Variants in SPHKAP observed in about 807,000 individuals in gnomAD.
SPHKAP encodes A-kinase anchor protein SPHKAP.
Under a neutral mutation model 137.5 loss-of-function variants are expected in SPHKAP, and 67 were observed. The ratio of observed to expected loss-of-function variants is 0.49; its 90% CI spans 0.40 to 0.60. SPHKAP has a LOEUF of 0.60. Ranked by LOEUF, SPHKAP falls within the 20% of genes least tolerant of loss-of-function variation. SPHKAP has a pLI of 0.00. For synonymous variants in SPHKAP, 813 were observed against 785.3 expected (o/e 1.04, Z -0.59); for missense variants, 2,097 against 2,069.3 (o/e 1.01, Z -0.26).
At position 228,017,296 on chromosome 2, in the gene SPHKAP, G is replaced by A; in HGVS notation, c.3558C>T (p.Ser1186=). 1 of 1,614,068 alleles carries A rather than the reference G, an allele frequency of 6.2e-7. No individual in the cohort carries two copies. The highest frequency in any genetic ancestry group is 8.5e-7 in the Non-Finnish European group (1 of 1,180,026). The change falls in exon 7 of 12, where the codon AGC becomes AGT. Residue 1186 remains serine, a synonymous_variant. Coordinates refer to ENST00000392056, the MANE Select transcript of SPHKAP (RefSeq NM_001142644.2). ...AGAACTCCTCAGTGATGCTCTCTGT[G>A]CTGGACTGCTTAGAGGGACAGCTAG... ...VRPSCPSKQS[S]TESITEEFYR...
intron 7 of SPHKAP, among the ~76,000 whole-genome samples, chr2:228,001,230 CATATAT>C (rs35028587): frequency 7.2e-6 from 1 of 138,436 alleles, no homozygotes; most frequent in Non-Finnish European, 1.5e-5. Context: ...TTTATATAAA[CATATAT>C]ATATATATAT....
intron 1 of SPHKAP, among the ~76,000 whole-genome samples, chr2:228,144,103 A>T (rs1191954605): frequency 6.6e-6 from 1 of 151,964 alleles, no homozygotes; most frequent in Non-Finnish European, 1.5e-5. Context: ...TTCTTTCAGG[A>T]CTTTCTCAAA....
At chr2:228,149,113 C>T (rs1574896032) in intron 1 of SPHKAP, among the ~76,000 whole-genome samples, 1 of 152,106 alleles carries the variant, frequency 6.6e-6, no homozygotes, top group African/African-American at 2.4e-5. Context: ...ATAAGAAACA[C>T]ACTTTGTGTT....
At position 228,018,398 on chromosome 2, in the gene SPHKAP, C is replaced by G; in HGVS notation, c.2456G>C (p.Arg819Thr). 1.9e-6 allele frequency: 3 copies of G among 1,614,056 alleles called. No homozygotes were observed. Among genetic ancestry groups the G allele is most frequent in the Non-Finnish European group, 2.5e-6 (3 of 1,179,958 alleles). Residue 819 changes from arginine (R) to threonine (T), a missense_variant, in exon 7 of 12, where the codon AGA (arginine) becomes ACA (threonine). Arg to Thr is a moderately conservative substitution (Grantham distance 71, BLOSUM62 -1). Transcript: ENST00000392056. ...TGTAGCAGTTGAAGAATCGGGCACT[C>G]TGTGACTACGTGATAATTGTGACTG... ...TLQSQLSRSH[R>T]VPDSSTATTS...
chr2:228,004,107 A>G (rs763805583), intron 7 of SPHKAP, among the ~76,000 whole-genome samples: 1 of 152,020 alleles, frequency 6.6e-6, no homozygotes, highest in Non-Finnish European at 1.5e-5. Flanking sequence ...CCTCTTTTTC[A>G]ATTGATTGGA....
chr2:228,111,998 T>C (rs1274659182), intron 2 of SPHKAP, among the ~76,000 whole-genome samples: 1 of 152,164 alleles, frequency 6.6e-6, no homozygotes. Context: ...GAGAGGAAAC[T>C]TTTTGTGATG....
At chr2:228,072,587 TG>T (rs1697038522) in intron 3 of SPHKAP, among the ~76,000 whole-genome samples, 1 of 152,192 alleles carries the variant, frequency 6.6e-6, no homozygotes, top group African/African-American at 2.4e-5. Context: ...CTGGGTGGGC[TG>T]TGTCTATACT....
rs773753640 is a variant in SPHKAP at position 228,017,637 on chromosome 2, C to T, written c.3217G>A (p.Asp1073Asn). 6.2e-6 allele frequency: 10 copies of T among 1,613,856 alleles called. No individual in the cohort carries two copies. The highest frequency in any genetic ancestry group is 3.3e-5 in the South Asian group (3 of 91,076). The change falls in exon 7 of 12, where the codon GAC (aspartate) becomes AAC (asparagine). Residue 1073 changes from aspartate (D) to asparagine (N), a missense_variant. Physicochemically the swap from Asp to Asn is conservative, Grantham distance 23. Coordinates refer to ENST00000392056, the MANE Select transcript of SPHKAP (RefSeq NM_001142644.2). ...GYPRNRLLSG[D>N]RWSRLKASSC... is the part of the protein sequence containing the mutation. The stretch of plus-strand genomic sequence containing the variant: ...GAGGCCTTCAGCCGGCTCCACCTGT[C>T]GCCACTCAGTAACCGATTCCGGGGA...
At chr2:228,125,842 C>T (rs980075916) in intron 2 of SPHKAP, among the ~76,000 whole-genome samples, 1 of 151,814 alleles carries the variant, frequency 6.6e-6, no homozygotes, top group Non-Finnish European at 1.5e-5. Context: ...TTTGGGAGGC[C>T]GAGGCGGGTG....
At chr2:228,069,476 G>C (rs920067985) in intron 3 of SPHKAP, among the ~76,000 whole-genome samples, 1 of 146,898 alleles carries the variant, frequency 6.8e-6, no homozygotes, top group Non-Finnish European at 1.5e-5. Context: ...GAGATGGGGG[G>C]GTCTCACTCT....
At chr2:228,146,244 A>G (rs4605363) in intron 1 of SPHKAP, among the ~76,000 whole-genome samples, 1 of 151,910 alleles carries the variant, frequency 6.6e-6, no homozygotes, top group Admixed American at 6.6e-5. Flanking sequence ...ACGGATGAAC[A>G]CCCATTGACA....
At chr2:228,036,809 C>T (rs1695629370) in intron 3 of SPHKAP, among the ~76,000 whole-genome samples, 1 of 151,754 alleles carries the variant, frequency 6.6e-6, no homozygotes, top group African/African-American at 2.4e-5. Context: ...TGCATGTTCT[C>T]ACTCATAGGT....
intron 1 of SPHKAP, among the ~76,000 whole-genome samples, chr2:228,167,269 T>C (rs974033707): frequency 1.3e-5 from 2 of 152,198 alleles, no homozygotes; most frequent in African/African-American, 4.8e-5. Context: ...TAATTTTCTA[T>C]ATTACCTGAT....
At chr2:227,984,913 C>A (rs143583027) in intron 11 of SPHKAP, among the ~76,000 whole-genome samples, 19 of 152,302 alleles carry the variant, frequency 1.2e-4, no homozygotes, top group African/African-American at 4.6e-4. Context: ...TGGCTCCTTT[C>A]TGTAAACCGT....
At chr2:228,053,164 C>G (rs1026720696) in intron 3 of SPHKAP, among the ~76,000 whole-genome samples, 1 of 152,266 alleles carries the variant, frequency 6.6e-6, no homozygotes, top group African/African-American at 2.4e-5. Context: ...GCTCTTATCT[C>G]TCTTCCCCCT....
intron 1 of SPHKAP, among the ~76,000 whole-genome samples, chr2:228,134,252 G>A (rs1168735444): frequency 7.3e-6 from 1 of 137,728 alleles, no homozygotes; most frequent in East Asian, 2.0e-4. Flanking sequence ...AAGGAAGGAA[G>A]GAAGGAAAGA....
chr2:228,098,759 T>TA (rs35722602), intron 3 of SPHKAP, among the ~76,000 whole-genome samples: 18 of 138,700 alleles, frequency 1.3e-4, no homozygotes, highest in Middle Eastern at 3.9e-3. Flanking sequence ...CCTTAAAGTA[T>TA]AAAAAAAAAA....
At chr2:227,998,319 C>T (rs1693712262) in intron 7 of SPHKAP, among the ~76,000 whole-genome samples, 1 of 152,118 alleles carries the variant, frequency 6.6e-6, no homozygotes, top group Admixed American at 6.6e-5. Flanking sequence ...TATTCAATCA[C>T]CCTTTAATTC....
chr2:228,164,912 A>C (rs970102119), intron 1 of SPHKAP, among the ~76,000 whole-genome samples: 3 of 152,050 alleles, frequency 2.0e-5, no homozygotes, highest in South Asian at 2.1e-4. Flanking sequence ...TGGCGCACAC[A>C]TGTCAATTTG....
Sources: allele counts gnomAD v4.1 joint callset (sites outside exome capture counted in the v4.1 genomes callset), GRCh38; gene constraint gnomAD v4.1.1; transcripts MANE v1.5; gene names NCBI Gene and HGNC (gene_info 2026-07-23, HGNC 2026-07-21).